GABRA3: variants seen among roughly 807,000 people sequenced by gnomAD.
The protein encoded by GABRA3 is gamma-aminobutyric acid receptor subunit alpha-3.
A neutral mutation model predicts 30.1 loss-of-function variants in GABRA3; 10 were observed. The observed-to-expected ratio is 0.33, with a 90% CI of 0.20 to 0.56. The LOEUF (loss-of-function observed/expected upper bound fraction) is 0.56. Among genes scored for constraint, GABRA3 ranks in the 20% least tolerant of loss-of-function variants. The pLI is 0.89. For synonymous variants in GABRA3, 151 were observed against 146.8 expected (o/e 1.03, Z -0.21); for missense variants, 233 against 392.0 (o/e 0.59, Z 3.42).
intron 1 of GABRA3, among the ~76,000 whole-genome samples, chrX:152,401,287 T>TATATATAC (rs1302426704): frequency 1.5e-4 from 15 of 100,223 alleles, no homozygotes; most frequent in African/African-American, 4.3e-4. Flanking sequence ...TATATATATA[T>TATATATAC]ACACACACAC....
intron 1 of GABRA3, among the ~76,000 whole-genome samples, chrX:152,412,433 C>T (rs1227488305): frequency 3.6e-5 from 4 of 111,899 alleles, no homozygotes; most frequent in East Asian, 2.8e-4. Context: ...TATCTGTCAA[C>T]GGATGAGTGG....
chrX:152,294,033 G>A (rs1033751601), intron 3 of GABRA3, among the ~76,000 whole-genome samples: 6 of 111,568 alleles, frequency 5.4e-5, no homozygotes, highest in East Asian at 2.8e-4. Flanking sequence ...TGGGTAATCC[G>A]ACCTTTCTCT....
intron 3 of GABRA3, among the ~76,000 whole-genome samples, chrX:152,304,911 T>G (rs1425577058): frequency 8.9e-6 from 1 of 111,863 alleles, no homozygotes; most frequent in Non-Finnish European, 1.9e-5. Flanking sequence ...TATGGCCATT[T>G]CAGTAATATT....
chrX:152,344,871 T>C (rs1174012288), intron 3 of GABRA3, among the ~76,000 whole-genome samples: 1 of 111,770 alleles, frequency 8.9e-6, no homozygotes, highest in Admixed American at 9.5e-5. Context: ...TTCTATAAAG[T>C]ACATTTTGGG....
chrX:152,233,082 T>A (rs1390459547), intron 5 of GABRA3, among the ~76,000 whole-genome samples: 1 of 111,591 alleles, frequency 9.0e-6, no homozygotes, highest in Non-Finnish European at 1.9e-5. Context: ...CTAGTGATGT[T>A]GGGCATTTTA....
chrX:152,361,628 T>C (rs955197228), intron 2 of GABRA3, among the ~76,000 whole-genome samples: 35 of 109,125 alleles, frequency 3.2e-4, no homozygotes, highest in Non-Finnish European at 6.3e-4. Flanking sequence ...GCTTAAGAAT[T>C]TTTTGTGGTT....
chrX:152,175,610 G>C (rs1937063724), intron 9 of GABRA3, among the ~76,000 whole-genome samples: 1 of 111,889 alleles, frequency 8.9e-6, no homozygotes, highest in Admixed American at 9.5e-5. Flanking sequence ...TGCAGAAAAA[G>C]ATGATGAATG....
At chrX:152,381,907 T>A (rs1483177313) in intron 1 of GABRA3, among the ~76,000 whole-genome samples, 1 of 111,629 alleles carries the variant, frequency 9.0e-6, no homozygotes, top group Non-Finnish European at 1.9e-5. Context: ...TGCATAGTAT[T>A]CCATGGTGCC....
intron 4 of GABRA3, among the ~76,000 whole-genome samples, chrX:152,272,740 TG>T (rs1370519745): frequency 9.0e-6 from 1 of 111,398 alleles, no homozygotes; most frequent in African/African-American, 3.3e-5. Context: ...GGGAGGGAAC[TG>T]GTGGGAGGAA....
chrX:152,447,352 T>C (rs775208611), intron 1 of GABRA3, among the ~76,000 whole-genome samples: 378 of 111,714 alleles, frequency 3.4e-3, no homozygotes, highest in Non-Finnish European at 5.3e-3. Flanking sequence ...CAAAATAAAA[T>C]TGAGATACCA....
At chrX:152,259,057 G>A (rs1327833245) in intron 4 of GABRA3, among the ~76,000 whole-genome samples, 2 of 111,867 alleles carry the variant, frequency 1.8e-5, no homozygotes, top group African/African-American at 6.5e-5. Context: ...GAACTGTTCT[G>A]TACACTGACG....
rs186005080 is a variant in GABRA3, at chrX:152,409,582, G to T, written c.-27+41564C>A. ...AAAACAGTCAACAAAGAGGCCACTT[G>T]TAGAATAGAAGAAAATATCTGCAAA... is the stretch of plus-strand genomic sequence containing the variant. On this transcript the variant is annotated intron_variant, in intron 1 of 9. Transcript: ENST00000370314. 7.2e-5 allele frequency among the ~76,000 whole-genome samples: 8 copies of T among 111,438 alleles called. No individual in the cohort carries two copies. The East Asian group carries it at 2.0e-3, about 28-fold the overall frequency.
At chrX:152,288,833 G>A (rs1287515782) in intron 3 of GABRA3, among the ~76,000 whole-genome samples, 2 of 111,856 alleles carry the variant, frequency 1.8e-5, no homozygotes, top group African/African-American at 6.5e-5. Context: ...TTATATAATT[G>A]TTTACAGTTG....
chrX:152,378,376 A>T (rs754609400), intron 1 of GABRA3, among the ~76,000 whole-genome samples: 253 of 112,073 alleles, frequency 2.3e-3, no homozygotes, highest in African/African-American at 8.1e-3. Context: ...AGAGTACAGG[A>T]TATTTAAACA....
At chrX:152,181,475 T>C (rs1274986473) in intron 9 of GABRA3, among the ~76,000 whole-genome samples, 1 of 110,742 alleles carries the variant, frequency 9.0e-6, no homozygotes, top group African/African-American at 3.3e-5. Flanking sequence ...GGGTTTTCTA[T>C]ATATAAGATC....
At chrX:152,415,045 G>A (rs1930175342) in intron 1 of GABRA3, among the ~76,000 whole-genome samples, 1 of 110,919 alleles carries the variant, frequency 9.0e-6, no homozygotes, top group Non-Finnish European at 1.9e-5. Flanking sequence ...GTGGGCCACT[G>A]GGGATTGTTA....
At chrX:152,286,311 C>T (rs1327149200) in intron 3 of GABRA3, among the ~76,000 whole-genome samples, 1 of 108,943 alleles carries the variant, frequency 9.2e-6, no homozygotes, top group African/African-American at 3.3e-5. Flanking sequence ...CTACCCATTC[C>T]AGCGTACCTC....
chrX:152,201,511 T>C (rs1029046868), intron 7 of GABRA3, among the ~76,000 whole-genome samples: 16 of 112,311 alleles, frequency 1.4e-4, no homozygotes, highest in African/African-American at 5.2e-4. Context: ...CTTGCCCCTA[T>C]TGCTGTGTCT....
At chrX:152,440,555 A>AT (rs1179130242) in intron 1 of GABRA3, among the ~76,000 whole-genome samples, 1 of 112,267 alleles carries the variant, frequency 8.9e-6, no homozygotes, top group African/African-American at 3.2e-5. Flanking sequence ...TGCTACTATA[A>AT]AGACACGTGT....
Sources: allele counts gnomAD v4.1 joint callset (sites outside exome capture counted in the v4.1 genomes callset), GRCh38; gene constraint gnomAD v4.1.1; transcripts MANE v1.5; gene names NCBI Gene and HGNC (gene_info 2026-07-23, HGNC 2026-07-21).